Variants in NRG1 observed in about 807,000 individuals in gnomAD.
NRG1 encodes neuregulin 1.
A neutral mutation model predicts 63.8 loss-of-function variants in NRG1; 18 were observed. The observed-to-expected ratio is 0.28, with a 90% confidence interval of 0.19 to 0.42. NRG1 has a LOEUF of 0.42. Ranked by LOEUF, NRG1 falls within the 10% of genes least tolerant of loss-of-function variation. The pLI, the probability that NRG1 is intolerant of heterozygous loss-of-function variation, is 1.00. For synonymous variants in NRG1, 302 were observed against 301.3 expected (o/e 1.00, Z -0.02); for missense variants, 762 against 814.7 (o/e 0.94, Z 0.79).
chr8:32,143,835 G>A (rs1836563485), intron 1 of NRG1, among the ~76,000 whole-genome samples: 1 of 152,222 alleles, frequency 6.6e-6, no homozygotes, highest in African/African-American at 2.4e-5. Flanking sequence ...ATATGTACAT[G>A]TTAGGCTCTT....
At chr8:32,123,442 T>C (rs368847635) in intron 1 of NRG1, among the ~76,000 whole-genome samples, 25 of 151,948 alleles carry the variant, frequency 1.6e-4, no homozygotes, top group African/African-American at 6.0e-4. Context: ...TGCCATGAAT[T>C]TGAGGCCTCC....
intron 1 of NRG1, among the ~76,000 whole-genome samples, chr8:32,123,814 T>A (rs1423564347): frequency 6.6e-6 from 1 of 151,744 alleles, no homozygotes; most frequent in East Asian, 1.9e-4. Flanking sequence ...AGAAAATTCA[T>A]TCCCACTAAT....
At chr8:32,311,120 C>T (rs1237747318) in intron 1 of NRG1, among the ~76,000 whole-genome samples, 1 of 152,132 alleles carries the variant, frequency 6.6e-6, no homozygotes, top group Non-Finnish European at 1.5e-5. Context: ...ACGACTATGC[C>T]ATTCACTCAT....
intron 1 of NRG1, among the ~76,000 whole-genome samples, chr8:31,974,005 T>A (rs549871300): frequency 6.6e-6 from 1 of 152,194 alleles, no homozygotes; most frequent in Non-Finnish European, 1.5e-5. Context: ...TAAGCACATC[T>A]GGAAAGGTCC....
At chr8:32,374,080 G>A (rs977308246) in intron 1 of NRG1, among the ~76,000 whole-genome samples, 1 of 152,036 alleles carries the variant, frequency 6.6e-6, no homozygotes, top group Non-Finnish European at 1.5e-5. Flanking sequence ...GTAAAAGAAA[G>A]GTTGAAACTT....
chr8:31,909,178 C>T (rs1327710180), intron 1 of NRG1, among the ~76,000 whole-genome samples: 2 of 152,078 alleles, frequency 1.3e-5, no homozygotes, highest in African/African-American at 4.8e-5. Context: ...AGAAAATAGG[C>T]TCCATTTTCA....
At chr8:32,703,539 A>T (rs1563985802) in intron 5 of NRG1, among the ~76,000 whole-genome samples, 1 of 151,932 alleles carries the variant, frequency 6.6e-6, no homozygotes, top group African/African-American at 2.4e-5. Flanking sequence ...TCTACAAAAA[A>T]AAAAGAAAAG....
intron 1 of NRG1, among the ~76,000 whole-genome samples, chr8:32,570,678 T>C (rs1838392239): frequency 6.6e-6 from 1 of 152,198 alleles, no homozygotes; most frequent in Non-Finnish European, 1.5e-5. Flanking sequence ...TTTCCCAGCT[T>C]CAGAAAGTCC....
Position 32,652,355 on chromosome 8 carries a change from C to CA in NRG1, c.502+35471dup, listed in dbSNP as rs1220263219. On this transcript the variant is annotated intron_variant, in intron 5 of 11. Transcript: ENST00000356819. ...ACTTTGTTCAGCTTGCTTCTGAAAA[C>CA]AGCATGGGTTGCCTAGGGTGAGTTC... Among the ~76,000 whole-genome samples the CA allele has an allele frequency of 3.3e-5, 5 of 152,114 alleles. No homozygotes were observed. In the South Asian group the frequency reaches 1.0e-3, roughly 32 times the overall value.
At chr8:32,080,764 CGTGTGTGTGT>C (rs3084557) in intron 1 of NRG1, among the ~76,000 whole-genome samples, 20,825 of 148,328 alleles carry the variant, frequency 0.14, 1,567 homozygotes, top group African/African-American at 0.16. Context: ...TGTGTGTGTG[CGTGTGTGTGT>C]GTGTGTGTGT....
At chr8:32,331,437 G>A (rs1802643062) in intron 1 of NRG1, among the ~76,000 whole-genome samples, 1 of 151,874 alleles carries the variant, frequency 6.6e-6, no homozygotes, top group Admixed American at 6.6e-5. Context: ...AGGCTAAGCT[G>A]GGAGGATTGC....
intron 1 of NRG1, among the ~76,000 whole-genome samples, chr8:32,093,297 C>T (rs1829453518): frequency 6.6e-6 from 1 of 152,130 alleles, no homozygotes; most frequent in African/African-American, 2.4e-5. Context: ...CAGGCCACCC[C>T]TTCAAAGGCA....
Position 32,626,206 on chromosome 8 carries a change from G to A in NRG1, c.502+9321G>A, listed in dbSNP as rs529274765. On this transcript the variant is annotated intron_variant, in intron 5 of 11. Transcript: ENST00000356819. ...ATTTCTTGGGAAGTGGGAGGTGGGA[G>A]GTGTAATGATTGGGGGAGATAAATA... is the stretch of plus-strand genomic sequence containing the variant. Among the ~76,000 whole-genome samples the A allele has an allele frequency of 8.7e-5, 13 of 150,214 alleles. No individual in the cohort carries two copies. In the South Asian group the frequency reaches 2.1e-3, roughly 24 times the overall value.
chr8:31,664,625 A>G (rs1401554243), intron 1 of NRG1, among the ~76,000 whole-genome samples: 2 of 152,212 alleles, frequency 1.3e-5, no homozygotes, highest in Admixed American at 1.3e-4. Context: ...CATTATAATG[A>G]GAAAATAAAT....
intron 1 of NRG1, among the ~76,000 whole-genome samples, chr8:31,735,568 A>G (rs1015508540): frequency 1.3e-5 from 2 of 152,194 alleles, no homozygotes; most frequent in Admixed American, 6.5e-5. Flanking sequence ...TTTTGTAGGC[A>G]TTAAAAATGA....
intron 1 of NRG1, among the ~76,000 whole-genome samples, chr8:32,296,029 A>G (rs1335890138): frequency 6.6e-6 from 1 of 152,030 alleles, no homozygotes; most frequent in African/African-American, 2.4e-5. Context: ...CCACGAGTAC[A>G]TGTACATTGA....
chr8:32,688,019 A>G (rs1248301425), intron 5 of NRG1, among the ~76,000 whole-genome samples: 1 of 152,184 alleles, frequency 6.6e-6, no homozygotes, highest in African/African-American at 2.4e-5. Flanking sequence ...GGGTATGGAC[A>G]AATATCCAAA....
intron 1 of NRG1, among the ~76,000 whole-genome samples, chr8:32,274,849 A>C (rs529964013): frequency 1.3e-5 from 2 of 152,270 alleles, no homozygotes; most frequent in Admixed American, 6.5e-5. Context: ...GTAAAGATTA[A>C]TGTCTCTCTG....
At chr8:32,326,254 G>A (rs1399488428) in intron 1 of NRG1, among the ~76,000 whole-genome samples, 2 of 149,336 alleles carry the variant, frequency 1.3e-5, no homozygotes, top group East Asian at 2.0e-4. Flanking sequence ...GTGATCTGCC[G>A]ACCTTGGTCT....
Sources: allele counts gnomAD v4.1 joint callset (sites outside exome capture counted in the v4.1 genomes callset), GRCh38; gene constraint gnomAD v4.1.1; transcripts MANE v1.5; gene names NCBI Gene and HGNC (gene_info 2026-07-23, HGNC 2026-07-21).